Variants in NHLRC2 observed in about 807,000 individuals in gnomAD.
NHLRC2 encodes the protein NHL repeat-containing protein 2.
In NHLRC2, 33 loss-of-function variants were observed where a neutral mutation model predicts 68.1. That is an observed-to-expected ratio of 0.48 (90% CI 0.37 to 0.65). NHLRC2 has a LOEUF of 0.65. NHLRC2 is among the 30% of genes least tolerant of loss of function. NHLRC2 has a pLI of 0.00. For synonymous variants in NHLRC2, 311 were observed against 309.6 expected (o/e 1.00, Z -0.05); for missense variants, 761 against 853.8 (o/e 0.89, Z 1.35).
At chr10:113,891,211 T>G (rs1213519124) in intron 5 of NHLRC2, among the ~76,000 whole-genome samples, 1 of 152,202 alleles carries the variant, frequency 6.6e-6, no homozygotes, top group Non-Finnish European at 1.5e-5. Flanking sequence ...TCTTACAGAT[T>G]CATCTCTGCT....
At chr10:113,873,117 A>T (rs1845943448) in intron 2 of NHLRC2, among the ~76,000 whole-genome samples, 1 of 152,232 alleles carries the variant, frequency 6.6e-6, no homozygotes, top group Admixed American at 6.5e-5. Flanking sequence ...AGGCAACAGT[A>T]GAGTGACATT....
chr10:113,914,462 C>G lies in NHLRC2; in HGVS notation c.*5926C>G, dbSNP rs146232592. ...GGATTACAGGCGTGAGCCGCTGCGC[C>G]CAGCGCACTAAATACTATTAAAAGG... On this transcript the variant is annotated 3_prime_UTR_variant, in exon 11 of 11. Coordinates refer to ENST00000369301, the MANE Select transcript of NHLRC2 (RefSeq NM_198514.4). 0.012 allele frequency: 1,889 copies of G among 156,826 alleles called. 19 individuals are homozygous for G. Among genetic ancestry groups the G allele is most frequent in the Non-Finnish European group, 0.016 (1,106 of 71,290 alleles). 9.7% of individuals were successfully genotyped at this position (156,826 alleles called of 1,614,324 possible). A position where few individuals can be genotyped will look rare whatever the true frequency, so the allele number is the denominator to read the frequency against.
At chr10:113,858,882 A>G in intron 2 of NHLRC2, 1 of 393,140 alleles carries the variant, frequency 2.5e-6, no homozygotes, top group Non-Finnish European at 4.5e-6. Context: ...TATCTAAAGA[A>G]CCAGCATTTA....
At chr10:113,870,935 A>G (rs185044705) in intron 2 of NHLRC2, among the ~76,000 whole-genome samples, 3 of 150,918 alleles carry the variant, frequency 2.0e-5, no homozygotes, top group East Asian at 3.9e-4. Flanking sequence ...TTTGTCTGCC[A>G]TTATATCCCC....
intron 2 of NHLRC2, 152 bp downstream of exon 2, chr10:113,858,832 C>T: frequency 1.9e-6 from 1 of 520,490 alleles, no homozygotes. Context: ...ACTTCATGTA[C>T]CTTTTCATAA....
intron 5 of NHLRC2, among the ~76,000 whole-genome samples, chr10:113,886,851 C>T (rs778535994): frequency 2.1e-4 from 32 of 152,056 alleles, no homozygotes; most frequent in Non-Finnish European, 4.1e-4. Context: ...ACACAGGCAA[C>T]GAAAGCAAAA....
At position 113,854,915 on chromosome 10, in the gene NHLRC2, C is replaced by T. The variant is rs11196533; in HGVS notation, c.43C>T (p.Leu15Phe). The T allele has an allele frequency of 1.7e-5, 26 of 1,553,162 alleles. No homozygotes were observed. In the African/African-American group the frequency reaches 3.0e-4, roughly 18 times the overall value. ...CCGGGGCCGCAGCCTCTCCGGCCTG[C>T]TCCCCGCGCAGACCTCGCTAGAGTA... ...GGRGRSLSGL[L>F]PAQTSLEYAL... Residue 15 changes from leucine (L) to phenylalanine (F), a missense_variant, in exon 1 of 11, where the codon CTC becomes TTC. By Grantham distance (22) the Leu-to-Phe change is conservative (BLOSUM62 0). Transcript: ENST00000369301.
In NHLRC2 at chr10:113,903,559, TACA is replaced by T; in HGVS notation, c.1531_1533del (p.Thr511del). 1 of 1,608,758 alleles carries T rather than the reference TACA, an allele frequency of 6.2e-7. No individual in the cohort carries two copies. Among genetic ancestry groups the T allele is most frequent in the Non-Finnish European group, 8.5e-7 (1 of 1,178,122 alleles). On this transcript the variant is annotated inframe_deletion, in exon 9 of 11. Coordinates refer to ENST00000369301, the MANE Select transcript of NHLRC2 (RefSeq NM_198514.4). ...TTGTGGATCCAAAAACAAAAAACTG[TACA>T]ACATTAGCAGGAACTGGAGACACAA...
intron 6 of NHLRC2, among the ~76,000 whole-genome samples, chr10:113,900,567 C>T (rs1208561858): frequency 6.6e-6 from 1 of 152,064 alleles, no homozygotes; most frequent in South Asian, 2.1e-4. Flanking sequence ...GTAGTAATGA[C>T]CCTTAGCATT....
chr10:113,862,483 A>C (rs1274317456), intron 2 of NHLRC2, among the ~76,000 whole-genome samples: 1 of 149,442 alleles, frequency 6.7e-6, no homozygotes, highest in African/African-American at 2.4e-5. Context: ...AATCAACTAA[A>C]CAAAAAAAAA....
At chr10:113,899,023 C>G (rs1846205242) in intron 6 of NHLRC2, among the ~76,000 whole-genome samples, 1 of 152,086 alleles carries the variant, frequency 6.6e-6, no homozygotes. Flanking sequence ...TCCCCCAATA[C>G]CCCAGGCAGA....
At chr10:113,887,165 A>G (rs1279070445) in intron 5 of NHLRC2, among the ~76,000 whole-genome samples, 3 of 152,234 alleles carry the variant, frequency 2.0e-5, no homozygotes. Context: ...ATGTGATATT[A>G]CCTCACACCT....
intron 10 of NHLRC2, among the ~76,000 whole-genome samples, chr10:113,906,799 C>T (rs1589550287): frequency 6.6e-6 from 1 of 152,138 alleles, no homozygotes; most frequent in African/African-American, 2.4e-5. Flanking sequence ...ACCATCCTGG[C>T]TAACACGGTG....
intron 4 of NHLRC2, among the ~76,000 whole-genome samples, chr10:113,882,456 A>C (rs1229609596): frequency 1.3e-5 from 2 of 151,788 alleles, no homozygotes; most frequent in African/African-American, 4.8e-5. Flanking sequence ...ATGACTAATG[A>C]TGTCAACCAC....
chr10:113,904,321 C>G (rs1846254870), intron 9 of NHLRC2, among the ~76,000 whole-genome samples: 1 of 151,894 alleles, frequency 6.6e-6, no homozygotes, highest in African/African-American at 2.4e-5. Context: ...TAAACTAACT[C>G]TTGATGTATG....
chr10:113,911,401 T>G lies in NHLRC2; in HGVS notation c.*2865T>G, dbSNP rs1846327566. On this transcript the variant is annotated 3_prime_UTR_variant, in exon 11 of 11. Transcript: ENST00000369301. The stretch of plus-strand genomic sequence containing the variant: ...AAATTCAATGACTATGAAAAATAAT[T>G]TTTTTCTTAACTGTTCTAATAATAT... The G allele has an allele frequency of 6.6e-6, 1 of 152,084 alleles. No individual in the cohort carries two copies. Among genetic ancestry groups the G allele is most frequent in the Admixed American group, 6.5e-5 (1 of 15,280 alleles). The allele number at this position is 152,084 out of a possible 1,614,324, so 9.4% of individuals were successfully genotyped here.
At chr10:113,889,239 T>C (rs567049493) in intron 5 of NHLRC2, among the ~76,000 whole-genome samples, 3 of 152,282 alleles carry the variant, frequency 2.0e-5, no homozygotes, top group Non-Finnish European at 2.9e-5. Flanking sequence ...TAATCAACAT[T>C]TTCCCTAGAT....
At position 113,854,853 on chromosome 10, in the gene NHLRC2, A is replaced by G. The variant is rs934560529; in HGVS notation, c.-20A>G. ...ACTCTCCCGCGGGCCCGGCGGCCGCATCGGGAGCCCGGCGGAAACATGGCG... is the reference window on the plus strand; with the variant it reads ...ACTCTCCCGCGGGCCCGGCGGCCGCGTCGGGAGCCCGGCGGAAACATGGCG... On this transcript the variant is annotated 5_prime_UTR_variant, in exon 1 of 11. Transcript: ENST00000369301. 3 of 1,535,832 alleles carry G rather than the reference A, an allele frequency of 2.0e-6. No individual in the cohort carries two copies. In the Admixed American group the frequency reaches 6.3e-5, roughly 32 times the overall value.
At chr10:113,865,705 C>T (rs1427612140) in intron 2 of NHLRC2, among the ~76,000 whole-genome samples, 1 of 148,928 alleles carries the variant, frequency 6.7e-6, no homozygotes, top group Non-Finnish European at 1.5e-5. Flanking sequence ...TGTAAGTAGT[C>T]TCAACATTGT....
Sources: allele counts gnomAD v4.1 joint callset (sites outside exome capture counted in the v4.1 genomes callset), GRCh38; gene constraint gnomAD v4.1.1; transcripts MANE v1.5; gene names NCBI Gene and HGNC (gene_info 2026-07-23, HGNC 2026-07-21).